PAFAH1B1: variants seen among roughly 807,000 people sequenced by gnomAD.
PAFAH1B1 encodes the protein platelet-activating factor acetylhydrolase IB subunit beta.
A neutral mutation model predicts 57.5 loss-of-function variants in PAFAH1B1; 2 were observed. That is an observed-to-expected ratio of 0.03 (90% confidence interval 0.01 to 0.11). The LOEUF (loss-of-function observed/expected upper bound fraction) is 0.11, where lower values mean the gene tolerates loss of function less well. PAFAH1B1 is among the 10% of genes least tolerant of loss of function. The probability of loss-of-function intolerance (pLI) is 1.00; values close to 1 mark genes in which losing one functional copy is unlikely to be tolerated. For synonymous variants in PAFAH1B1, 152 were observed against 169.6 expected (o/e 0.90, Z 0.81); for missense variants, 257 against 512.0 (o/e 0.50, Z 4.81).
Position 2,682,323 on chromosome 17 carries a change from T to G in PAFAH1B1, c.*521T>G, listed in dbSNP as rs1333632770. The G allele has an allele frequency of 6.5e-6, 1 of 152,972 alleles. No individual in the cohort carries two copies. Among genetic ancestry groups the G allele is most frequent in the Non-Finnish European group, 1.5e-5 (1 of 68,226 alleles). The allele number at this position is 152,972 out of a possible 1,614,324, so 9.5% of individuals were successfully genotyped here. On this transcript the variant is annotated 3_prime_UTR_variant, in exon 11 of 11. Transcript: ENST00000397195. ...AATTCAGAATCTTCTGAACCATCTA[T>G]GTAATGAATGGGGATTATACATTGG...
At chr17:2,625,126 G>A (rs1016385646) in intron 1 of PAFAH1B1, among the ~76,000 whole-genome samples, 6 of 151,888 alleles carry the variant, frequency 4.0e-5, no homozygotes, top group African/African-American at 7.2e-5. Flanking sequence ...TAGCAGATAC[G>A]TGGATATAGT....
At chr17:2,595,112 T>A (rs906682701) in intron 1 of PAFAH1B1, among the ~76,000 whole-genome samples, 1 of 152,150 alleles carries the variant, frequency 6.6e-6, no homozygotes, top group African/African-American at 2.4e-5. Context: ...GAGGACCAGA[T>A]TTGTGGTCTC....
chr17:2,683,841 AATAC>A lies in PAFAH1B1; in HGVS notation c.*2043_*2046del, dbSNP rs1282316580. 2 of 152,666 alleles carry A rather than the reference AATAC, an allele frequency of 1.3e-5. No homozygotes were observed. Among genetic ancestry groups the A allele is most frequent in the Non-Finnish European group, 2.9e-5 (2 of 68,044 alleles). 9.5% of individuals were successfully genotyped at this position (152,666 alleles called of 1,614,324 possible). A position where few individuals can be genotyped will look rare whatever the true frequency, so the allele number is the denominator to read the frequency against. ...TTTCTGTCCTATTTTGAGAAATATA[AATAC>A]ATAGAAATGGTGCATCTTAACATTT... On this transcript the variant is annotated 3_prime_UTR_variant, in exon 11 of 11. Transcript: ENST00000397195.
intron 1 of PAFAH1B1, among the ~76,000 whole-genome samples, chr17:2,627,175 T>G (rs1331177819): frequency 1.3e-5 from 2 of 152,234 alleles, no homozygotes; most frequent in East Asian, 3.8e-4. Context: ...CCTAAGCCAA[T>G]GTCTAGAAGG....
intron 10 of PAFAH1B1, chr17:2,681,476 G>T (rs1332122870): frequency 4.6e-6 from 2 of 431,006 alleles, no homozygotes; most frequent in Middle Eastern, 6.5e-4. Flanking sequence ...GTGATGGAGG[G>T]TTGGGACCGG....
intron 1 of PAFAH1B1, among the ~76,000 whole-genome samples, chr17:2,600,875 G>A (rs1236849502): frequency 6.6e-6 from 1 of 151,888 alleles, no homozygotes; most frequent in African/African-American, 2.4e-5. Context: ...TGGAATTACA[G>A]GCATGTGCCA....
chr17:2,624,961 G>A (rs937279451), intron 1 of PAFAH1B1, among the ~76,000 whole-genome samples: 2 of 151,388 alleles, frequency 1.3e-5, no homozygotes, highest in African/African-American at 2.4e-5. Context: ...TAATAAATCC[G>A]ATGATTTCCA....
At chr17:2,613,612 C>T in intron 1 of PAFAH1B1, 1 of 288,426 alleles carries the variant, frequency 3.5e-6, no homozygotes, top group Non-Finnish European at 7.0e-6. Flanking sequence ...GCAGGGTCTC[C>T]CCTTCGATCC....
At chr17:2,613,640 T>C (rs9899704) in intron 1 of PAFAH1B1, 86,459 of 291,612 alleles carry the variant, frequency 0.3, 13,332 homozygotes, top group African/African-American at 0.36. Flanking sequence ...CCTGAAGACC[T>C]GAGTATACTC....
intron 1 of PAFAH1B1, 103 bp downstream of exon 1, chr17:2,594,109 C>G: frequency 2.5e-6 from 1 of 397,048 alleles, no homozygotes; most frequent in Non-Finnish European, 4.4e-6. Flanking sequence ...CGCCGGTCCC[C>G]TCCCTCCCAT....
intron 2 of PAFAH1B1, among the ~76,000 whole-genome samples, chr17:2,656,503 A>C (rs567462183): frequency 5.3e-4 from 81 of 152,114 alleles, no homozygotes; most frequent in African/African-American, 1.9e-3. Context: ...ATGATTCATC[A>C]GGTGGCAGTG....
At position 2,685,321 on chromosome 17, in the gene PAFAH1B1, C is replaced by G. The variant is rs1306798708; in HGVS notation, c.*3519C>G. On this transcript the variant is annotated 3_prime_UTR_variant, in exon 11 of 11. Transcript: ENST00000397195. Reference sequence around the variant, plus strand: ...ACTCTGAAGATGTTAGAGACAAACACAAACTCTTCGAGTTAAAGTTGATCC... The same window carrying G: ...ACTCTGAAGATGTTAGAGACAAACAGAAACTCTTCGAGTTAAAGTTGATCC... The G allele has an allele frequency of 6.6e-6, 1 of 152,578 alleles. No homozygotes were observed. Among genetic ancestry groups the G allele is most frequent in the African/African-American group, 2.4e-5 (1 of 41,426 alleles). 9.5% of individuals were successfully genotyped at this position (152,578 alleles called of 1,614,324 possible). A position where few individuals can be genotyped will look rare whatever the true frequency, so the allele number is the denominator to read the frequency against.
At chr17:2,670,641 G>A (rs748277825) in intron 6 of PAFAH1B1, among the ~76,000 whole-genome samples, 1 of 152,150 alleles carries the variant, frequency 6.6e-6, no homozygotes, top group Non-Finnish European at 1.5e-5. Flanking sequence ...ATTTTTGTTA[G>A]TTGGGAAACT....
At position 2,616,505 on chromosome 17, in the gene PAFAH1B1, T is replaced by C. The variant is rs944098426; in HGVS notation, c.-190-21594T>C. Among the ~76,000 whole-genome samples, 5 of 152,298 alleles carry C rather than the reference T, an allele frequency of 3.3e-5. No individual in the cohort carries two copies. In the East Asian group the frequency reaches 9.7e-4, roughly 29 times the overall value. ...AACGCAGTCTTTTGGCAGAATTCTA[T>C]CTTACTTGGGAAATCAGTCTTTTCT... On this transcript the variant is annotated intron_variant, in intron 1 of 10. Coordinates refer to ENST00000397195, the MANE Select transcript of PAFAH1B1 (RefSeq NM_000430.4).
At chr17:2,651,005 C>G (rs1167664935) in intron 2 of PAFAH1B1, among the ~76,000 whole-genome samples, 1 of 152,154 alleles carries the variant, frequency 6.6e-6, no homozygotes, top group Non-Finnish European at 1.5e-5. Flanking sequence ...CTAATCATGA[C>G]TACATAAGTA....
chr17:2,681,731 T>C lies in PAFAH1B1; in HGVS notation c.1162T>C (p.Phe388Leu). Reference sequence around the variant, plus strand: ...TAAACCATTTCTTTTTCTTTCAGATTTCCACAAGACGGCACCCTATGTCGT... The same window carrying C: ...TAAACCATTTCTTTTTCTTTCAGATCTCCACAAGACGGCACCCTATGTCGT... ...AHEHFVTSLD[F>L]HKTAPYVVTG... The change falls in exon 11 of 11, where the codon TTC becomes CTC. Residue 388 changes from phenylalanine (F) to leucine (L), a missense_variant and splice_region_variant. Transcript: ENST00000397195. 6.2e-7 allele frequency: 1 copy of C among 1,612,974 alleles called. No homozygotes were observed. The highest frequency in any genetic ancestry group is 8.5e-7 in the Non-Finnish European group (1 of 1,179,332).
rs1261386116 is a variant in PAFAH1B1 at position 2,617,900 on chromosome 17, G to A, written c.-190-20199G>A. 2.0e-5 allele frequency among the ~76,000 whole-genome samples: 3 copies of A among 150,988 alleles called. No homozygotes were observed. In the South Asian group the frequency reaches 6.3e-4, roughly 32 times the overall value. The stretch of plus-strand genomic sequence containing the variant: ...GATTGCGCCATTGCACTCCAGCCTG[G>A]GCAACAGAGCGAGACTCAGTCCCGC... On this transcript the variant is annotated intron_variant, in intron 1 of 10. Transcript: ENST00000397195.
At chr17:2,613,437 C>T (rs1001306934) in intron 1 of PAFAH1B1, 4 of 242,476 alleles carry the variant, frequency 1.6e-5, no homozygotes, top group Admixed American at 1.5e-4. Context: ...GTGCTGAGTT[C>T]CCTCTCTGGG....
intron 1 of PAFAH1B1, among the ~76,000 whole-genome samples, chr17:2,598,703 C>G (rs2068110353): frequency 6.6e-6 from 1 of 151,408 alleles, no homozygotes. Flanking sequence ...CCAGAAGATG[C>G]TTAGCTGTAA....
Sources: allele counts gnomAD v4.1 joint callset (sites outside exome capture counted in the v4.1 genomes callset), GRCh38; gene constraint gnomAD v4.1.1; transcripts MANE v1.5; gene names NCBI Gene and HGNC (gene_info 2026-07-23, HGNC 2026-07-21).